GATAD2B: variants seen among roughly 807,000 people sequenced by gnomAD.
GATAD2B encodes transcriptional repressor p66-beta.
GATAD2B carries 8 observed loss-of-function variants against 64.3 expected under a neutral mutation model. That is an observed-to-expected ratio of 0.12 (90% CI 0.07 to 0.22). GATAD2B has a LOEUF of 0.22. Ranked by LOEUF, GATAD2B falls within the 10% of genes least tolerant of loss-of-function variation. The probability of loss-of-function intolerance (pLI) is 1.00; values close to 1 mark genes in which losing one functional copy is unlikely to be tolerated. For synonymous variants in GATAD2B, 281 were observed against 271.3 expected, an observed-to-expected ratio of 1.04 and a Z score of -0.35; for missense variants, 453 against 752.0, an observed-to-expected ratio of 0.60 and a Z score of 4.65.
At chr1:153,875,498 T>G (rs1310803770) in intron 1 of GATAD2B, among the ~76,000 whole-genome samples, 1 of 152,226 alleles carries the variant, frequency 6.6e-6, no homozygotes, top group East Asian at 1.9e-4. Context: ...TCTTACAAAC[T>G]TCTTCTGTAA....
chr1:153,833,411 A>G (rs1460814254), intron 1 of GATAD2B, among the ~76,000 whole-genome samples: 3 of 152,192 alleles, frequency 2.0e-5, no homozygotes, highest in Non-Finnish European at 4.4e-5. Flanking sequence ...CCCAGTCACC[A>G]AGAGCTCTGA....
rs550348197 is a variant in GATAD2B at position 153,813,192 on chromosome 1, C to G, written c.1419+58G>C. 10 of 1,392,366 alleles carry G rather than the reference C, an allele frequency of 7.2e-6. No individual in the cohort carries two copies. In the East Asian group the frequency reaches 2.0e-4, roughly 29 times the overall value. The allele number at this position is 1,392,366 out of a possible 1,614,324, so 86.3% of individuals were successfully genotyped here. On this transcript the variant is annotated intron_variant, in intron 8 of 10. Coordinates refer to ENST00000368655, the MANE Select transcript of GATAD2B (RefSeq NM_020699.4). ...AACCACTCCTGCAAACTAGAAGGCG[C>G]GACCCTTTGGAAAAAACAAACTGGG...
At chr1:153,845,508 G>C (rs1424962738) in intron 1 of GATAD2B, among the ~76,000 whole-genome samples, 1 of 152,134 alleles carries the variant, frequency 6.6e-6, no homozygotes, top group Admixed American at 6.6e-5. Context: ...CACTTTGGGA[G>C]GCTGAGACGG....
At chr1:153,899,291 A>T (rs2101958551) in intron 1 of GATAD2B, among the ~76,000 whole-genome samples, 1 of 152,122 alleles carries the variant, frequency 6.6e-6, no homozygotes, top group South Asian at 2.1e-4. Context: ...CTCCTTTGCC[A>T]GGCACACTGG....
intron 1 of GATAD2B, among the ~76,000 whole-genome samples, chr1:153,878,861 T>C (rs1463913944): frequency 7.8e-6 from 1 of 128,634 alleles, no homozygotes; most frequent in Non-Finnish European, 1.6e-5. Flanking sequence ...CACTGCAACC[T>C]CCACCTCCCA....
Position 153,826,097 on chromosome 1 carries a change from G to A in GATAD2B, c.335+1916C>T, listed in dbSNP as rs139989919. On this transcript the variant is annotated intron_variant, in intron 2 of 10. Transcript: ENST00000368655. ...CGGCTCACTGCAACCTCCACCTCCC[G>A]GGTTCACACCATTCTCCTGCCTCAG... Among the ~76,000 whole-genome samples, 293 of 151,738 alleles carry A rather than the reference G, an allele frequency of 1.9e-3. 2 individuals carry two copies. Among genetic ancestry groups the A allele is most frequent in the African/African-American group, 6.6e-3 (272 of 41,398 alleles).
At chr1:153,811,977 G>T (rs573175094) in intron 9 of GATAD2B, 45 bp downstream of exon 9, 3 of 1,353,560 alleles carry the variant, frequency 2.2e-6, no homozygotes, top group East Asian at 2.3e-5. Flanking sequence ...ATAAATGGCT[G>T]ATAAATCTTC....
intron 1 of GATAD2B, among the ~76,000 whole-genome samples, chr1:153,904,827 C>T (rs1677878347): frequency 6.6e-6 from 1 of 152,194 alleles, no homozygotes. Context: ...CTGCCTCAGC[C>T]TCCCGAGCAG....
At chr1:153,884,040 T>C (rs1677091063) in intron 1 of GATAD2B, among the ~76,000 whole-genome samples, 1 of 152,156 alleles carries the variant, frequency 6.6e-6, no homozygotes, top group Non-Finnish European at 1.5e-5. Context: ...CTCACGCCTA[T>C]AATCCCAGCA....
Position 153,806,613 on chromosome 1 carries a change from GTT to G in GATAD2B, c.*3562_*3563del, listed in dbSNP as rs35293578. On this transcript the variant is annotated 3_prime_UTR_variant, in exon 11 of 11. Transcript: ENST00000368655. ...TAGGGCTTTTTTTTCTCTTTTTCAG[GTT>G]TTTTTTTTTTTCTACACAATGTACA... 65 of 145,358 alleles carry G rather than the reference GTT, an allele frequency of 4.5e-4. No homozygotes were observed. The East Asian group carries it at 7.5e-3, about 17-fold the overall frequency. The allele number at this position is 145,358 out of a possible 1,614,324, so 9.0% of individuals were successfully genotyped here.
At chr1:153,908,781 GGAA>G (rs143493217) in intron 1 of GATAD2B, among the ~76,000 whole-genome samples, 130 of 29,182 alleles carry the variant, frequency 4.5e-3, no homozygotes, top group Middle Eastern at 0.015. Flanking sequence ...AAACATACTT[GGAA>G]AAAAAAAAAA....
At chr1:153,920,209 A>G (rs536070419) in intron 1 of GATAD2B, among the ~76,000 whole-genome samples, 4 of 152,352 alleles carry the variant, frequency 2.6e-5, no homozygotes, top group East Asian at 3.9e-4. Context: ...TGCAACACAC[A>G]AGACTCACTG....
rs780186994 is a variant in GATAD2B at position 153,809,279 on chromosome 1, G to T, written c.*898C>A. The stretch of plus-strand genomic sequence containing the variant: ...AGATGAAATAATTTTGGGCTGGTTG[G>T]CCTGGAATAGACTTCCGTGTTCCCA... On this transcript the variant is annotated 3_prime_UTR_variant, in exon 11 of 11. Transcript: ENST00000368655. 6.6e-6 allele frequency: 1 copy of T among 152,268 alleles called. No individual in the cohort carries two copies. The highest frequency in any genetic ancestry group is 3.4e-3 in the Middle Eastern group (1 of 294). The allele number at this position is 152,268 out of a possible 1,614,324, so 9.4% of individuals were successfully genotyped here. A position where few individuals can be genotyped will look rare whatever the true frequency, so the allele number is the denominator to read the frequency against.
intron 1 of GATAD2B, chr1:153,852,735 CA>C: frequency 1.1e-6 from 1 of 917,624 alleles, no homozygotes; most frequent in Non-Finnish European, 1.8e-6. Context: ...GCTTGGTAGA[CA>C]GGGAGTGAAG....
chr1:153,896,936 G>C (rs904881532), intron 1 of GATAD2B, among the ~76,000 whole-genome samples: 28 of 151,984 alleles, frequency 1.8e-4, no homozygotes, highest in African/African-American at 6.8e-4. Flanking sequence ...ATTTTTGAAG[G>C]ATCTTTTCAA....
chr1:153,848,797 C>CA (rs1675778378), intron 1 of GATAD2B, among the ~76,000 whole-genome samples: 1 of 152,060 alleles, frequency 6.6e-6, no homozygotes, highest in African/African-American at 2.4e-5. Flanking sequence ...ACTGAAAGTA[C>CA]AAAAAAATTA....
chr1:153,884,692 A>C (rs1382119036), intron 1 of GATAD2B, among the ~76,000 whole-genome samples: 2 of 152,194 alleles, frequency 1.3e-5, no homozygotes, highest in Admixed American at 6.5e-5. Context: ...GTTAAGAAAA[A>C]GATCTACATT....
intron 1 of GATAD2B, among the ~76,000 whole-genome samples, chr1:153,844,414 CA>C (rs1675610562): frequency 1.0e-5 from 1 of 95,760 alleles, no homozygotes; most frequent in Non-Finnish European, 2.1e-5. Context: ...ACTGGCCTAA[CA>C]AATTATAAAA....
chr1:153,857,651 T>G (rs1303099760), intron 1 of GATAD2B, among the ~76,000 whole-genome samples: 6 of 152,104 alleles, frequency 3.9e-5, no homozygotes, highest in Admixed American at 2.0e-4. Flanking sequence ...GAGAGATGTC[T>G]CTGGAATGGT....
Sources: allele counts gnomAD v4.1 joint callset (sites outside exome capture counted in the v4.1 genomes callset), GRCh38; gene constraint gnomAD v4.1.1; transcripts MANE v1.5; gene names NCBI Gene and HGNC (gene_info 2026-07-23, HGNC 2026-07-21).